LRRC4C: variants seen among roughly 807,000 people sequenced by gnomAD.
LRRC4C encodes the protein leucine-rich repeat-containing protein 4C.
In LRRC4C, 5 loss-of-function variants were observed where a neutral mutation model predicts 33.6. The observed-to-expected ratio is 0.15, with a 90% confidence interval of 0.08 to 0.31. The LOEUF is 0.31. Ranked by LOEUF, LRRC4C falls within the 10% of genes least tolerant of loss-of-function variation. The pLI, the probability that LRRC4C is intolerant of heterozygous loss-of-function variation, is 1.00. For synonymous variants in LRRC4C, 329 were observed against 302.0 expected, an observed-to-expected ratio of 1.09 and a Z score of -0.93; for missense variants, 560 against 796.7, an observed-to-expected ratio of 0.70 and a Z score of 3.58.
At chr11:40,486,660 G>A (rs750700858) in intron 3 of LRRC4C, among the ~76,000 whole-genome samples, 4 of 151,860 alleles carry the variant, frequency 2.6e-5, no homozygotes, top group Non-Finnish European at 4.4e-5. Flanking sequence ...AAGTGTTTAG[G>A]GGTAAACAAT....
intron 1 of LRRC4C, among the ~76,000 whole-genome samples, chr11:41,188,689 A>C (rs1432943993): frequency 7.1e-6 from 1 of 141,436 alleles, no homozygotes; most frequent in Non-Finnish European, 1.6e-5. Flanking sequence ...GCCTAGAAAG[A>C]GAGGAGAAAA....
intron 1 of LRRC4C, among the ~76,000 whole-genome samples, chr11:41,020,045 T>C (rs1287776815): frequency 6.6e-6 from 1 of 152,204 alleles, no homozygotes; most frequent in Non-Finnish European, 1.5e-5. Context: ...ATTTTGGCTT[T>C]TGTTGCAACT....
chr11:40,426,064 A>G (rs1482738793), intron 3 of LRRC4C, among the ~76,000 whole-genome samples: 1 of 143,732 alleles, frequency 7.0e-6, no homozygotes, highest in Non-Finnish European at 1.5e-5. Context: ...CCCAGACTGG[A>G]GTGCAGTGGC....
At chr11:41,176,027 TA>T (rs780360869) in intron 1 of LRRC4C, among the ~76,000 whole-genome samples, 31 of 152,056 alleles carry the variant, frequency 2.0e-4, no homozygotes, top group Non-Finnish European at 3.2e-4. Flanking sequence ...TATAATAGAA[TA>T]TTTTTTTTTC....
At chr11:40,824,812 G>A (rs1169275803) in intron 2 of LRRC4C, among the ~76,000 whole-genome samples, 2 of 151,912 alleles carry the variant, frequency 1.3e-5, no homozygotes, top group African/African-American at 4.8e-5. Context: ...TATCTACTGA[G>A]CTGGTCATAG....
At chr11:40,589,109 T>C (rs1958909123) in intron 3 of LRRC4C, among the ~76,000 whole-genome samples, 2 of 152,216 alleles carry the variant, frequency 1.3e-5, no homozygotes, top group South Asian at 4.2e-4. Context: ...TGTGCGGGAG[T>C]CTAAGTCTCT....
chr11:40,879,470 C>T (rs528273511), intron 2 of LRRC4C, among the ~76,000 whole-genome samples: 25 of 152,210 alleles, frequency 1.6e-4, no homozygotes, highest in Non-Finnish European at 5.9e-5. Flanking sequence ...CCTACAAATG[C>T]GTGAATATGT....
In LRRC4C at chr11:40,311,943, C is replaced by CAA. The variant is rs368014390; in HGVS notation, c.-176+7683_-176+7684dup. Among the ~76,000 whole-genome samples the CAA allele has an allele frequency of 1.7e-3, 102 of 61,754 alleles. 5 individuals are homozygous for CAA. Among genetic ancestry groups the CAA allele is most frequent in the Middle Eastern group, 9.6e-3 (1 of 104 alleles). The allele number at this position is 61,754 out of a possible 152,430, so 40.5% of individuals were successfully genotyped here. ...CTGGAGACAGAGTGAGACTCTGTCTCAAAAAAAAAAAAAAAAAAAAAGTAC... is the reference window on the plus strand; with the variant it reads ...CTGGAGACAGAGTGAGACTCTGTCTCAAAAAAAAAAAAAAAAAAAAAAAGTAC... On this transcript the variant is annotated intron_variant, in intron 4 of 6. Transcript: ENST00000528697.
chr11:40,687,284 A>G (rs1409498177), intron 2 of LRRC4C, among the ~76,000 whole-genome samples: 1 of 151,948 alleles, frequency 6.6e-6, no homozygotes, highest in African/African-American at 2.4e-5. Flanking sequence ...TCCCAAATAT[A>G]CCTTTGAGAA....
chr11:41,423,802 G>C (rs1954948171), intron 1 of LRRC4C: 1 of 152,032 alleles, frequency 6.6e-6, no homozygotes, highest in Non-Finnish European at 1.5e-5. Flanking sequence ...AGGAGGGACA[G>C]TAGGATGGCT....
intron 3 of LRRC4C, among the ~76,000 whole-genome samples, chr11:40,424,916 A>T (rs1306515239): frequency 1.3e-5 from 2 of 152,226 alleles, no homozygotes; most frequent in East Asian, 1.9e-4. Flanking sequence ...ATGAGTAAGC[A>T]TTAATCTAAT....
intron 5 of LRRC4C, among the ~76,000 whole-genome samples, chr11:40,220,836 T>A (rs1048214603): frequency 6.6e-5 from 10 of 151,444 alleles, no homozygotes; most frequent in East Asian, 3.9e-4. Context: ...TGGTGCATTT[T>A]AAAATTTTTT....
intron 1 of LRRC4C, among the ~76,000 whole-genome samples, chr11:41,307,279 AAAAG>A (rs1950531902): frequency 6.6e-6 from 1 of 152,192 alleles, no homozygotes; most frequent in Non-Finnish European, 1.5e-5. Flanking sequence ...TTTCAAAAAA[AAAAG>A]AAGACGATTC....
intron 3 of LRRC4C, among the ~76,000 whole-genome samples, chr11:40,440,530 T>C (rs899307444): frequency 2.0e-5 from 3 of 152,174 alleles, no homozygotes; most frequent in Admixed American, 6.5e-5. Context: ...TATGAAATTA[T>C]ATCATTCTCT....
intron 1 of LRRC4C, among the ~76,000 whole-genome samples, chr11:41,086,751 CAA>C (rs1940019540): frequency 6.6e-6 from 1 of 152,048 alleles, no homozygotes; most frequent in Non-Finnish European, 1.5e-5. Flanking sequence ...CCATCCCCTC[CAA>C]AAGACTAACT....
At chr11:40,365,911 T>C (rs1948187742) in intron 3 of LRRC4C, among the ~76,000 whole-genome samples, 1 of 152,090 alleles carries the variant, frequency 6.6e-6, no homozygotes, top group Non-Finnish European at 1.5e-5. Flanking sequence ...AGAATACATA[T>C]TACATATACT....
chr11:40,434,433 G>A (rs1951060172), intron 3 of LRRC4C, among the ~76,000 whole-genome samples: 2 of 152,116 alleles, frequency 1.3e-5, no homozygotes, highest in Non-Finnish European at 2.9e-5. Flanking sequence ...CCAAATCCAG[G>A]GCATCTCTTA....
intron 2 of LRRC4C, among the ~76,000 whole-genome samples, chr11:40,672,839 T>C (rs748716067): frequency 2.6e-5 from 4 of 152,182 alleles, no homozygotes; most frequent in Non-Finnish European, 4.4e-5. Flanking sequence ...CGGCTGAGAT[T>C]AGTAGCACTT....
At chr11:41,180,097 G>C (rs1945381627) in intron 1 of LRRC4C, among the ~76,000 whole-genome samples, 1 of 152,154 alleles carries the variant, frequency 6.6e-6, no homozygotes, top group Non-Finnish European at 1.5e-5. Context: ...GTAGGAATTA[G>C]GCAAAGGGAG....
Sources: allele counts gnomAD v4.1 joint callset (sites outside exome capture counted in the v4.1 genomes callset), GRCh38; gene constraint gnomAD v4.1.1; transcripts MANE v1.5; gene names NCBI Gene and HGNC (gene_info 2026-07-23, HGNC 2026-07-21).